DOCK4: variants seen among roughly 807,000 people sequenced by gnomAD.
DOCK4 encodes the protein dedicator of cytokinesis 4.
In DOCK4, 97 loss-of-function variants were observed where a neutral mutation model predicts 268.1. The ratio of observed to expected loss-of-function variants is 0.36; its 90% CI spans 0.31 to 0.43. The LOEUF is 0.43. Ranked by LOEUF, DOCK4 falls within the 20% of genes least tolerant of loss-of-function variation. DOCK4 has a pLI of 1.00. For missense variants in DOCK4, 2,145 were observed against 2,455.7 expected, an observed-to-expected ratio of 0.87 and a Z score of 2.67; for synonymous variants, 954 against 887.2, an observed-to-expected ratio of 1.08 and a Z score of -1.34.
At chr7:111,822,998 C>A (rs1221258865) in intron 26 of DOCK4, among the ~76,000 whole-genome samples, 1 of 152,078 alleles carries the variant, frequency 6.6e-6, no homozygotes, top group African/African-American at 2.4e-5. Flanking sequence ...GTGAATTTTC[C>A]AGAGTGTGCT....
chr7:111,761,151 C>T (rs545992421), intron 39 of DOCK4, among the ~76,000 whole-genome samples: 107 of 151,746 alleles, frequency 7.1e-4, no homozygotes, highest in Middle Eastern at 3.4e-3. Flanking sequence ...ACCTCCGTCT[C>T]CCACTTCAAG....
At chr7:111,812,186 GGC>G (rs1801187239) in intron 27 of DOCK4, among the ~76,000 whole-genome samples, 1 of 152,168 alleles carries the variant, frequency 6.6e-6, no homozygotes, top group African/African-American at 2.4e-5. Flanking sequence ...GAATTCATAT[GGC>G]TCAGACAGAA....
intron 36 of DOCK4, among the ~76,000 whole-genome samples, chr7:111,777,292 A>T (rs2133724265): frequency 6.6e-6 from 1 of 152,340 alleles, no homozygotes; most frequent in Non-Finnish European, 1.5e-5. Context: ...TTCTTAGATG[A>T]AGGAAAACTT....
chr7:111,969,239 C>CA (rs927620698), intron 8 of DOCK4, among the ~76,000 whole-genome samples: 3 of 127,526 alleles, frequency 2.4e-5, no homozygotes, highest in Non-Finnish European at 4.9e-5. Context: ...CACAGCTGTA[C>CA]AAACAAATAA....
At chr7:111,998,022 A>T (rs1800106333) in intron 4 of DOCK4, among the ~76,000 whole-genome samples, 1 of 152,250 alleles carries the variant, frequency 6.6e-6, no homozygotes, top group Non-Finnish European at 1.5e-5. Context: ...TGGTCACACA[A>T]GAATATGTTA....
intron 1 of DOCK4, among the ~76,000 whole-genome samples, chr7:112,157,454 A>G (rs1225168102): frequency 2.0e-5 from 3 of 152,200 alleles, no homozygotes; most frequent in African/African-American, 4.8e-5. Flanking sequence ...TATAGCAACT[A>G]CATACCTGTG....
chr7:112,055,908 CT>C (rs1159145404), intron 1 of DOCK4, among the ~76,000 whole-genome samples: 1 of 143,426 alleles, frequency 7.0e-6, no homozygotes, highest in Admixed American at 7.0e-5. Context: ...GAGATTCTGT[CT>C]AAAAAAAAAA....
At chr7:111,769,719 A>C in intron 36 of DOCK4, 42 bp from the exon 37 acceptor site, 1 of 1,586,410 alleles carries the variant, frequency 6.3e-7, no homozygotes, top group South Asian at 1.1e-5. Flanking sequence ...ACAGGACCCC[A>C]AGCCACATTC....
At chr7:112,134,545 C>T (rs758872220) in intron 1 of DOCK4, among the ~76,000 whole-genome samples, 1 of 136,970 alleles carries the variant, frequency 7.3e-6, no homozygotes, top group Non-Finnish European at 1.5e-5. Flanking sequence ...TGGTGTAACG[C>T]CGTCTCTACT....
At chr7:111,841,349 T>C (rs1002058790) in intron 25 of DOCK4, among the ~76,000 whole-genome samples, 1 of 151,758 alleles carries the variant, frequency 6.6e-6, no homozygotes, top group African/African-American at 2.4e-5. Context: ...GTATTTTTAG[T>C]GGGGGTTTCA....
At chr7:112,186,978 T>C (rs1819537243) in intron 1 of DOCK4, among the ~76,000 whole-genome samples, 1 of 152,060 alleles carries the variant, frequency 6.6e-6, no homozygotes, top group Admixed American at 6.5e-5. Context: ...ATTAAACACT[T>C]TTGTTTCTCT....
chr7:111,822,414 G>C lies in DOCK4; in HGVS notation c.2878C>G (p.Arg960Gly). Residue 960 changes from arginine to glycine, a missense_variant, in exon 27 of 53, where the codon CGC (arginine) becomes GGC (glycine). Physicochemically the swap from Arg to Gly is moderately radical, Grantham distance 125 (BLOSUM62 -2). Coordinates refer to ENST00000428084, the MANE Select transcript of DOCK4 (RefSeq NM_001363540.2). ...CAGTCCTTTGGAAACATCTCCGGGCGTATCAATATTCGGAACACAGTAAAT... is the reference window on the plus strand; with the variant it reads ...CAGTCCTTTGGAAACATCTCCGGGCCTATCAATATTCGGAACACAGTAAAT... ...QIFTVFRILI[R>G]PEMFPKDWTV... 6.2e-7 allele frequency: 1 copy of C among 1,613,556 alleles called. No homozygotes were observed. Among genetic ancestry groups the C allele is most frequent in the Non-Finnish European group, 8.5e-7 (1 of 1,179,734 alleles).
intron 36 of DOCK4, among the ~76,000 whole-genome samples, chr7:111,776,677 A>C (rs1043832124): frequency 7.9e-5 from 12 of 152,222 alleles, no homozygotes; most frequent in African/African-American, 2.9e-4. Context: ...AAATGTACAG[A>C]TCCAAGAACC....
At position 112,204,378 on chromosome 7, in the gene DOCK4, T is replaced by C. The variant is rs367748386; in HGVS notation, c.37+1724A>G. Among the ~76,000 whole-genome samples the C allele has an allele frequency of 3.9e-5, 6 of 152,334 alleles. No individual in the cohort carries two copies. In the South Asian group the frequency reaches 8.3e-4, roughly 21 times the overall value. On this transcript the variant is annotated intron_variant, in intron 1 of 52. Coordinates refer to ENST00000428084, the MANE Select transcript of DOCK4 (RefSeq NM_001363540.2). ...TTTGCCTGGATGGATCTGAGCTTCCTGCACTGAGTGTTAAAGCCGCTTAGG... is the reference window on the plus strand; with the variant it reads ...TTTGCCTGGATGGATCTGAGCTTCCCGCACTGAGTGTTAAAGCCGCTTAGG...
intron 1 of DOCK4, among the ~76,000 whole-genome samples, chr7:112,146,244 G>A (rs1815481574): frequency 6.6e-6 from 1 of 152,142 alleles, no homozygotes; most frequent in South Asian, 2.1e-4. Flanking sequence ...GGCATGGGAG[G>A]AGTTTCAAAG....
chr7:112,007,649 TAA>T (rs1195647875), intron 1 of DOCK4, among the ~76,000 whole-genome samples: 1 of 151,984 alleles, frequency 6.6e-6, no homozygotes, highest in Non-Finnish European at 1.5e-5. Context: ...CAGTTCTAGG[TAA>T]AGAGCGAAGA....
At chr7:111,844,933 G>A (rs756372174) in intron 24 of DOCK4, 36 bp from the exon 25 acceptor site, 1 of 1,580,154 alleles carries the variant, frequency 6.3e-7, no homozygotes, top group African/African-American at 1.4e-5. Context: ...CAGGAAACTG[G>A]GGTTTAACAT....
At chr7:111,916,313 T>C (rs1297962334) in intron 12 of DOCK4, among the ~76,000 whole-genome samples, 1 of 152,128 alleles carries the variant, frequency 6.6e-6, no homozygotes, top group East Asian at 1.9e-4. Context: ...AAAAGGCCTA[T>C]GAATAGTTGC....
At chr7:111,732,138 A>T in intron 52 of DOCK4, 88 bp downstream of exon 52, 1 of 1,352,394 alleles carries the variant, frequency 7.4e-7, no homozygotes, top group Non-Finnish European at 1.0e-6. Flanking sequence ...CCTGCAAATT[A>T]AAGCACCTTT....
Sources: gnomAD v4.1 joint callset for allele counts (sites outside exome capture counted in the v4.1 genomes callset) on GRCh38, gnomAD v4.1.1 for gene constraint, MANE v1.5 for transcripts, NCBI Gene and HGNC (gene_info 2026-07-23, HGNC 2026-07-21) for gene names.